Variants in DACH2 observed in about 807,000 individuals in gnomAD.
DACH2 encodes dachshund family transcription factor 2, also known as dachshund homolog 2.
DACH2 carries 17 observed loss-of-function variants against 35.8 expected under a neutral mutation model. The ratio of observed to expected loss-of-function variants is 0.48; its 90% CI spans 0.33 to 0.71. The LOEUF is 0.71. Ranked by LOEUF, DACH2 falls within the 30% of genes least tolerant of loss-of-function variation. The pLI, the probability that DACH2 is intolerant of heterozygous loss-of-function variation, is 0.02. For synonymous variants in DACH2, 195 were observed against 177.3 expected (o/e 1.10, Z -0.79); for missense variants, 469 against 472.7 (o/e 0.99, Z 0.07).
chrX:86,359,048 T>A (rs2035690341), intron 1 of DACH2, among the ~76,000 whole-genome samples: 1 of 100,499 alleles, frequency 1.0e-5, no homozygotes, highest in Non-Finnish European at 1.9e-5. Context: ...GAATGTGGCA[T>A]CAGAGAAAGG....
At chrX:86,779,744 T>C (rs192431512) in intron 7 of DACH2, among the ~76,000 whole-genome samples, 1 of 111,628 alleles carries the variant, frequency 9.0e-6, no homozygotes, top group African/African-American at 3.3e-5. Context: ...GACAAAACAG[T>C]TTACTGAGGG....
At position 86,520,647 on chromosome X, in the gene DACH2, C is replaced by T. The variant is rs758286133; in HGVS notation, c.640+6256C>T. Among the ~76,000 whole-genome samples, 4 of 111,372 alleles carry T rather than the reference C, an allele frequency of 3.6e-5. No homozygotes were observed. The South Asian group carries it at 1.5e-3, about 42-fold the overall frequency. On this transcript the variant is annotated intron_variant, in intron 3 of 11. Coordinates refer to ENST00000373125, the MANE Select transcript of DACH2 (RefSeq NM_053281.3). ...CTTCTTGCTGAATTAAAGACTTTACCATTATGTAATGCCCCTTCTTAAAAA... is the reference window on the plus strand; with the variant it reads ...CTTCTTGCTGAATTAAAGACTTTACTATTATGTAATGCCCCTTCTTAAAAA...
intron 2 of DACH2, among the ~76,000 whole-genome samples, chrX:86,383,492 C>T (rs972625691): frequency 9.6e-6 from 1 of 104,036 alleles, no homozygotes; most frequent in Non-Finnish European, 2.0e-5. Context: ...CCTTGGCAAA[C>T]GAAACTTGTT....
At chrX:86,614,832 G>A (rs1035822649) in intron 3 of DACH2, among the ~76,000 whole-genome samples, 2 of 111,407 alleles carry the variant, frequency 1.8e-5, no homozygotes, top group Middle Eastern at 8.5e-3. Context: ...AATCCCAAAA[G>A]GCATTTTAGG....
chrX:86,470,388 T>A (rs1414898993), intron 2 of DACH2, among the ~76,000 whole-genome samples: 1 of 111,907 alleles, frequency 8.9e-6, no homozygotes, highest in Non-Finnish European at 1.9e-5. Context: ...AGATGATGTC[T>A]TTTCTAACAT....
chrX:86,477,947 CA>C (rs753150467), intron 2 of DACH2, among the ~76,000 whole-genome samples: 58 of 110,246 alleles, frequency 5.3e-4, no homozygotes, highest in Middle Eastern at 4.8e-3. Context: ...AACAAAGAGA[CA>C]AAAAAAAGGA....
intron 3 of DACH2, among the ~76,000 whole-genome samples, chrX:86,643,055 G>A (rs1031526171): frequency 1.6e-4 from 17 of 109,380 alleles, no homozygotes; most frequent in African/African-American, 5.7e-4. Context: ...AATTAGAGAA[G>A]CAAGAACTGA....
chrX:86,784,983 G>T (rs756418818), intron 7 of DACH2, among the ~76,000 whole-genome samples: 1 of 110,853 alleles, frequency 9.0e-6, no homozygotes, highest in South Asian at 3.8e-4. Flanking sequence ...CTAGAGGGTG[G>T]AGGGTGGGAG....
intron 1 of DACH2, among the ~76,000 whole-genome samples, chrX:86,306,595 A>C (rs2034693734): frequency 8.9e-6 from 1 of 111,791 alleles, no homozygotes; most frequent in South Asian, 3.8e-4. Context: ...GCAGAAAAAC[A>C]TGAAAAGGCA....
chrX:86,160,762 C>T, intron 1 of DACH2: 1 of 463,867 alleles, frequency 2.2e-6, no homozygotes, highest in South Asian at 3.3e-5. Flanking sequence ...TCACTCAAAG[C>T]TTCCTGGTGC....
intron 1 of DACH2, among the ~76,000 whole-genome samples, chrX:86,337,717 A>C (rs1275818593): frequency 8.9e-6 from 1 of 112,046 alleles, no homozygotes. Flanking sequence ...TAACAATATT[A>C]ACTTTAAATG....
intron 1 of DACH2, among the ~76,000 whole-genome samples, chrX:86,149,888 G>A (rs1334869624): frequency 1.8e-5 from 2 of 111,871 alleles, no homozygotes; most frequent in Non-Finnish European, 3.8e-5. Flanking sequence ...TGGATTGGAG[G>A]TTGGTGTACA....
intron 3 of DACH2, among the ~76,000 whole-genome samples, chrX:86,648,731 T>C (rs1016508922): frequency 9.0e-6 from 1 of 110,955 alleles, no homozygotes; most frequent in Admixed American, 9.6e-5. Context: ...GTACACATTA[T>C]ATATGTACAG....
intron 1 of DACH2, among the ~76,000 whole-genome samples, chrX:86,298,808 A>C (rs749554339): frequency 1.0e-3 from 116 of 111,962 alleles, no homozygotes; most frequent in Non-Finnish European, 2.0e-3. Flanking sequence ...TTTAGCTTTG[A>C]GTTGCTTGGC....
rs186323509 is a variant in DACH2 at position 86,548,281 on chromosome X, A to G, written c.640+33890A>G. 1.6e-4 allele frequency among the ~76,000 whole-genome samples: 18 copies of G among 111,183 alleles called. No individual in the cohort carries two copies. In the East Asian group the frequency reaches 3.4e-3, roughly 21 times the overall value. On this transcript the variant is annotated intron_variant, in intron 3 of 11. Coordinates refer to ENST00000373125, the MANE Select transcript of DACH2 (RefSeq NM_053281.3). ...ACATCCAAAATTTTTTATGATCCAT[A>G]TTGCTGGGAGATACAAGGCAATGCT... is the stretch of plus-strand genomic sequence containing the variant.
chrX:86,330,117 T>G (rs1376636281), intron 1 of DACH2, among the ~76,000 whole-genome samples: 1 of 112,354 alleles, frequency 8.9e-6, no homozygotes, highest in Non-Finnish European at 1.9e-5. Context: ...GACTTGTCAT[T>G]AATTCTTGTT....
intron 3 of DACH2, among the ~76,000 whole-genome samples, chrX:86,646,659 C>T (rs1280667383): frequency 1.8e-5 from 2 of 109,519 alleles, no homozygotes. Flanking sequence ...GGGCAACCTA[C>T]GGAATGGAGG....
intron 2 of DACH2, among the ~76,000 whole-genome samples, chrX:86,486,530 C>T (rs1200545876): frequency 9.0e-6 from 1 of 110,821 alleles, no homozygotes; most frequent in Non-Finnish European, 1.9e-5. Flanking sequence ...TTTCAATCTC[C>T]AAGGGAGATG....
chrX:86,323,361 G>A (rs1436285048), intron 1 of DACH2, among the ~76,000 whole-genome samples: 1 of 111,945 alleles, frequency 8.9e-6, no homozygotes, highest in East Asian at 2.8e-4. Flanking sequence ...ACCCCAGGAA[G>A]TGTTATCATT....
Sources: allele counts gnomAD v4.1 joint callset (sites outside exome capture counted in the v4.1 genomes callset), GRCh38; gene constraint gnomAD v4.1.1; transcripts MANE v1.5; gene names NCBI Gene and HGNC (gene_info 2026-07-23, HGNC 2026-07-21).